The following B3GALT1 variants were observed in gnomAD, a reference collection of about 807,000 sequenced individuals.
The protein encoded by B3GALT1 is beta-1,3-galactosyltransferase 1.
Under a neutral mutation model 23.2 loss-of-function variants are expected in B3GALT1, and 10 were observed. The observed-to-expected ratio is 0.43, with a 90% CI of 0.27 to 0.73. B3GALT1 has a LOEUF of 0.73. B3GALT1 is among the 30% of genes least tolerant of loss of function. B3GALT1 has a pLI of 0.21. For missense variants in B3GALT1, 299 were observed against 405.4 expected (o/e 0.74, Z 2.25); for synonymous variants, 156 against 141.5 (o/e 1.10, Z -0.73).
At chr2:167,396,447 C>T (rs1412219908) in intron 1 of B3GALT1, among the ~76,000 whole-genome samples, 5 of 150,790 alleles carry the variant, frequency 3.3e-5, no homozygotes, top group Non-Finnish European at 5.9e-5. Flanking sequence ...TTAGAACTCT[C>T]AAAAAAGTAA....
At chr2:167,815,730 A>G (rs1574278047) in intron 3 of B3GALT1, among the ~76,000 whole-genome samples, 2 of 152,346 alleles carry the variant, frequency 1.3e-5, no homozygotes, top group African/African-American at 2.4e-5. Context: ...AAGGGGTGAT[A>G]TTAATGAAAT....
chr2:167,680,209 T>C (rs1418964333), intron 3 of B3GALT1, among the ~76,000 whole-genome samples: 1 of 152,232 alleles, frequency 6.6e-6, no homozygotes, highest in East Asian at 1.9e-4. Flanking sequence ...GTTAAACCTT[T>C]GCTTCAGATG....
At chr2:167,603,118 G>T (rs912529639) in intron 2 of B3GALT1, among the ~76,000 whole-genome samples, 1 of 152,136 alleles carries the variant, frequency 6.6e-6, no homozygotes, top group African/African-American at 2.4e-5. Flanking sequence ...AGGTCATCAG[G>T]ATTTTAATAA....
At chr2:167,841,348 T>C (rs1006212177) in intron 4 of B3GALT1, among the ~76,000 whole-genome samples, 3 of 152,184 alleles carry the variant, frequency 2.0e-5, no homozygotes, top group Non-Finnish European at 4.4e-5. Context: ...GTGGACTTTC[T>C]GGTTCCTCAG....
intron 2 of B3GALT1, among the ~76,000 whole-genome samples, chr2:167,623,051 T>A (rs1469320234): frequency 1.3e-5 from 2 of 151,918 alleles, no homozygotes; most frequent in Non-Finnish European, 2.9e-5. Context: ...TACATAGTCA[T>A]GTCAAAGCCA....
chr2:167,294,034 ACT>A (rs1696304325), intron 1 of B3GALT1, among the ~76,000 whole-genome samples: 1 of 152,120 alleles, frequency 6.6e-6, no homozygotes, highest in Non-Finnish European at 1.5e-5. Context: ...TGGAGCGCAG[ACT>A]TGAGGATGGA....
chr2:167,732,089 T>G (rs1337265478), intron 3 of B3GALT1, among the ~76,000 whole-genome samples: 1 of 152,204 alleles, frequency 6.6e-6, no homozygotes, highest in East Asian at 1.9e-4. Flanking sequence ...GAAGAAGTAC[T>G]CTAAGCTCAA....
chr2:167,633,894 T>TTCAC (rs1685503464), intron 2 of B3GALT1, among the ~76,000 whole-genome samples: 1 of 152,114 alleles, frequency 6.6e-6, no homozygotes, highest in Non-Finnish European at 1.5e-5. Context: ...GAATATACAT[T>TTCAC]CTTCTCAGCA....
intron 3 of B3GALT1, among the ~76,000 whole-genome samples, chr2:167,807,587 T>A (rs1201572069): frequency 2.6e-4 from 39 of 151,808 alleles, no homozygotes; most frequent in African/African-American, 3.4e-4. Flanking sequence ...GTAGTCATTC[T>A]GGAGCAGGTT....
intron 2 of B3GALT1, among the ~76,000 whole-genome samples, chr2:167,536,273 G>C (rs764646198): frequency 1.3e-5 from 2 of 152,070 alleles, no homozygotes; most frequent in African/African-American, 2.4e-5. Context: ...GCCAGAAAGA[G>C]AGAAAGAGCA....
chr2:167,657,991 CA>C (rs1208492527), intron 3 of B3GALT1, among the ~76,000 whole-genome samples: 19 of 152,108 alleles, frequency 1.2e-4, no homozygotes, highest in African/African-American at 4.3e-4. Context: ...GGAAGAGATT[CA>C]TTCCCACCAA....
At chr2:167,795,931 T>C (rs368977335) in intron 3 of B3GALT1, among the ~76,000 whole-genome samples, 1 of 152,216 alleles carries the variant, frequency 6.6e-6, no homozygotes, top group Non-Finnish European at 1.5e-5. Flanking sequence ...TGCATTCATA[T>C]CATAATCATC....
At chr2:167,321,108 T>C (rs1042213498) in intron 1 of B3GALT1, among the ~76,000 whole-genome samples, 1 of 151,990 alleles carries the variant, frequency 6.6e-6, no homozygotes, top group Non-Finnish European at 1.5e-5. Context: ...TTCATGGCAT[T>C]CTCTTTTAAT....
At position 167,776,594 on chromosome 2, in the gene B3GALT1, A is replaced by G. The variant is rs1367739418; in HGVS notation, c.-351-42078A>G. Among the ~76,000 whole-genome samples, 3 of 150,918 alleles carry G rather than the reference A, an allele frequency of 2.0e-5. No individual in the cohort carries two copies. The East Asian group carries it at 5.9e-4, about 30-fold the overall frequency. Reference sequence around the variant, plus strand: ...CTAGATGTGGACTAACGAGGAGTGGACAGGCCGAGAACTCCACTATGGTTG... The same window carrying G: ...CTAGATGTGGACTAACGAGGAGTGGGCAGGCCGAGAACTCCACTATGGTTG... On this transcript the variant is annotated intron_variant, in intron 3 of 4. Transcript: ENST00000392690.
chr2:167,693,894 C>T (rs1213658115), intron 3 of B3GALT1, among the ~76,000 whole-genome samples: 1 of 152,140 alleles, frequency 6.6e-6, no homozygotes, highest in African/African-American at 2.4e-5. Context: ...CAATTTATTA[C>T]TTCTCCCAGT....
chr2:167,697,598 A>G (rs985804299), intron 3 of B3GALT1, among the ~76,000 whole-genome samples: 2 of 152,246 alleles, frequency 1.3e-5, no homozygotes, highest in Admixed American at 1.3e-4. Context: ...TTCATTTACA[A>G]TTAAAATTAA....
chr2:167,600,162 C>A (rs948282546), intron 2 of B3GALT1, among the ~76,000 whole-genome samples: 2 of 152,018 alleles, frequency 1.3e-5, no homozygotes, highest in South Asian at 2.1e-4. Flanking sequence ...AGTGAAATGA[C>A]CTTCAAAATC....
intron 1 of B3GALT1, among the ~76,000 whole-genome samples, chr2:167,467,260 T>G (rs1442405324): frequency 3.3e-5 from 5 of 152,108 alleles, no homozygotes; most frequent in Admixed American, 1.3e-4. Context: ...TAACTATAAT[T>G]TATTCTCCAG....
intron 2 of B3GALT1, among the ~76,000 whole-genome samples, chr2:167,529,135 T>A (rs1407430270): frequency 6.6e-6 from 1 of 152,120 alleles, no homozygotes; most frequent in Non-Finnish European, 1.5e-5. Context: ...CTTTGATCAC[T>A]CCGTCCTTAT....
Sources: allele counts gnomAD v4.1 joint callset (sites outside exome capture counted in the v4.1 genomes callset), GRCh38; gene constraint gnomAD v4.1.1; transcripts MANE v1.5; gene names NCBI Gene and HGNC (gene_info 2026-07-23, HGNC 2026-07-21).